The following KATNBL1 variants were observed in gnomAD, a reference collection of about 807,000 sequenced individuals.
KATNBL1 encodes the protein KATNB1-like protein 1.
Under a neutral mutation model 44.7 loss-of-function variants are expected in KATNBL1, and 28 were observed. The observed-to-expected ratio is 0.63, with a 90% CI of 0.46 to 0.86. The LOEUF (loss-of-function observed/expected upper bound fraction) is 0.86, where lower values mean the gene tolerates loss of function less well. Among genes scored for constraint, KATNBL1 ranks in the 40% least tolerant of loss-of-function variants. The pLI, the probability that KATNBL1 is intolerant of heterozygous loss-of-function variation, is 0.00. For synonymous variants in KATNBL1, 78 were observed against 114.9 expected (o/e 0.68, Z 2.06); for missense variants, 272 against 350.7 (o/e 0.78, Z 1.79).
intron 3 of KATNBL1, among the ~76,000 whole-genome samples, chr15:34,153,589 T>G (rs1029583544): frequency 1.3e-5 from 2 of 152,112 alleles, no homozygotes; most frequent in African/African-American, 4.8e-5. Context: ...TTTTTTTTTT[T>G]GAGATGCAGT....
chr15:34,164,445 G>C (rs1345331176), intron 1 of KATNBL1, among the ~76,000 whole-genome samples: 1 of 151,702 alleles, frequency 6.6e-6, no homozygotes, highest in African/African-American at 2.4e-5. Context: ...ACATACAACT[G>C]ACTTGTCCTA....
rs1264703145 is a variant in KATNBL1, at chr15:34,146,613, AAC to A, written c.788+146_788+147del. The A allele has an allele frequency of 6.9e-6, 4 of 576,524 alleles. No homozygotes were observed. In the African/African-American group the frequency reaches 7.5e-5, roughly 11 times the overall value. 35.7% of individuals were successfully genotyped at this position (576,524 alleles called of 1,614,324 possible). ...TTTCCAGGTGTGGTTTTCACAAATG[AAC>A]AGTCTCTTAAGTTAGTATCTCTCTG... is the stretch of plus-strand genomic sequence containing the variant. On this transcript the variant is annotated intron_variant, in intron 8 of 9. Coordinates refer to ENST00000256544, the MANE Select transcript of KATNBL1 (RefSeq NM_024713.3).
At chr15:34,147,559 G>A in intron 5 of KATNBL1, 129 bp from the exon 6 acceptor site, 1 of 575,640 alleles carries the variant, frequency 1.7e-6, no homozygotes. Context: ...AATGAGTCAT[G>A]TCTGTGGATA....
At chr15:34,190,502 A>G (rs1889843548) in intron 1 of KATNBL1, among the ~76,000 whole-genome samples, 1 of 152,348 alleles carries the variant, frequency 6.6e-6, no homozygotes, top group East Asian at 1.9e-4. Flanking sequence ...TAGTTAAGCA[A>G]CCACAGTAAA....
intron 1 of KATNBL1, among the ~76,000 whole-genome samples, chr15:34,204,369 T>C (rs1048403254): frequency 2.0e-5 from 3 of 152,192 alleles, no homozygotes; most frequent in African/African-American, 7.2e-5. Flanking sequence ...TAGATATACA[T>C]ATTTAATTCT....
At chr15:34,192,959 T>C (rs1278674815) in intron 1 of KATNBL1, among the ~76,000 whole-genome samples, 3 of 152,118 alleles carry the variant, frequency 2.0e-5, no homozygotes, top group Admixed American at 6.5e-5. Flanking sequence ...GGCTCACGCC[T>C]GTAATCCCAG....
At chr15:34,152,686 C>A in intron 4 of KATNBL1, 104 bp downstream of exon 4, 1 of 912,370 alleles carries the variant, frequency 1.1e-6, no homozygotes, top group South Asian at 1.7e-5. Context: ...AGTCTACATT[C>A]AATAGGTGAC....
chr15:34,152,225 C>T (rs978828769), intron 4 of KATNBL1, among the ~76,000 whole-genome samples: 6 of 150,108 alleles, frequency 4.0e-5, no homozygotes, highest in Non-Finnish European at 7.4e-5. Context: ...TTTTTTGAGA[C>T]GGAGTCGCTC....
At chr15:34,157,297 G>A (rs572296733) in intron 2 of KATNBL1, among the ~76,000 whole-genome samples, 9 of 152,284 alleles carry the variant, frequency 5.9e-5, no homozygotes, top group Non-Finnish European at 8.8e-5. Flanking sequence ...TGATTCTGGA[G>A]GAGGTGGTGC....
chr15:34,154,224 T>C (rs1315474906), intron 3 of KATNBL1, among the ~76,000 whole-genome samples: 1 of 152,208 alleles, frequency 6.6e-6, no homozygotes, highest in East Asian at 1.9e-4. Context: ...ATGGAAGTAA[T>C]TCTGACTTCA....
intron 1 of KATNBL1, among the ~76,000 whole-genome samples, chr15:34,187,254 G>A (rs186335612): frequency 2.0e-5 from 3 of 152,316 alleles, no homozygotes; most frequent in East Asian, 3.9e-4. Context: ...TAACTGCAGA[G>A]AGGAGCCACT....
At chr15:34,144,764 G>A (rs750259395) in intron 9 of KATNBL1, among the ~76,000 whole-genome samples, 4 of 151,976 alleles carry the variant, frequency 2.6e-5, no homozygotes. Flanking sequence ...TAGAAACGGG[G>A]TTTCACCAAC....
chr15:34,188,052 T>A (rs889776523), intron 1 of KATNBL1, among the ~76,000 whole-genome samples: 5 of 135,658 alleles, frequency 3.7e-5, no homozygotes, highest in African/African-American at 1.4e-4. Flanking sequence ...GGCAAGAGAA[T>A]CGCTTGAACC....
At chr15:34,164,172 G>A (rs2140932409) in intron 1 of KATNBL1, among the ~76,000 whole-genome samples, 2 of 152,308 alleles carry the variant, frequency 1.3e-5, no homozygotes, top group South Asian at 4.1e-4. Context: ...GGGATTACAG[G>A]CATGGGCCAC....
chr15:34,155,541 G>GC (rs111290747), intron 2 of KATNBL1, among the ~76,000 whole-genome samples: 30,686 of 152,018 alleles, frequency 0.2, 3,810 homozygotes, highest in African/African-American at 0.35. Flanking sequence ...TTACTCCTGA[G>GC]TTTTTTGCTA....
intron 9 of KATNBL1, chr15:34,142,953 GCCCACCTTGGCCT>G (rs1175184403): frequency 1.8e-6 from 1 of 556,100 alleles, no homozygotes; most frequent in Non-Finnish European, 2.9e-6. Context: ...CTCGTGATCT[GCCCACCTTGGCCT>G]CCCAAAGTAC....
At chr15:34,163,884 T>C (rs1391202210) in intron 1 of KATNBL1, among the ~76,000 whole-genome samples, 194 bp from the exon 2 acceptor site, 1 of 148,762 alleles carries the variant, frequency 6.7e-6, no homozygotes, top group Non-Finnish European at 1.5e-5. Flanking sequence ...TAAGGATCTT[T>C]CTGTCCTCAT....
rs375191598 is a variant in KATNBL1, at chr15:34,154,733, C to T, written c.118-49G>A. 2.8e-5 allele frequency: 35 copies of T among 1,256,284 alleles called. 1 individual carries two copies. The highest frequency in any genetic ancestry group is 1.9e-4 in the Middle Eastern group (1 of 5,370). The allele number at this position is 1,256,284 out of a possible 1,614,324, so 77.8% of individuals were successfully genotyped here. A position where few individuals can be genotyped will look rare whatever the true frequency, so the allele number is the denominator to read the frequency against. ...GATGTTAGAAACAAATGCTTGGTGC[C>T]GCAAAGAAGAATCAGCACTCCGGCA... On this transcript the variant is annotated intron_variant, in intron 2 of 9. Coordinates refer to ENST00000256544, the MANE Select transcript of KATNBL1 (RefSeq NM_024713.3).
At chr15:34,148,793 A>T (rs1888385441) in intron 4 of KATNBL1, 43 bp from the exon 5 acceptor site, 1 of 1,097,336 alleles carries the variant, frequency 9.1e-7, no homozygotes, top group East Asian at 2.4e-5. Flanking sequence ...ACACTGAAAC[A>T]GGGTATGAAA....
Sources: gnomAD v4.1 joint callset for allele counts (sites outside exome capture counted in the v4.1 genomes callset) on GRCh38, gnomAD v4.1.1 for gene constraint, MANE v1.5 for transcripts, NCBI Gene and HGNC (gene_info 2026-07-23, HGNC 2026-07-21) for gene names.